Variants in NRCAM observed in about 807,000 individuals in gnomAD.
NRCAM encodes NgCAM-related cell adhesion molecule.
In NRCAM, 83 loss-of-function variants were observed where a neutral mutation model predicts 156.5. The ratio of observed to expected loss-of-function variants is 0.53; its 90% CI spans 0.44 to 0.64. NRCAM has a LOEUF of 0.64. Ranked by LOEUF, NRCAM falls within the 30% of genes least tolerant of loss-of-function variation. The pLI is 0.00. For synonymous variants in NRCAM, 538 were observed against 563.9 expected, an observed-to-expected ratio of 0.95 and a Z score of 0.65; for missense variants, 1,417 against 1,597.3, an observed-to-expected ratio of 0.89 and a Z score of 1.92.
At chr7:108,418,781 G>T (rs899516275) in intron 1 of NRCAM, among the ~76,000 whole-genome samples, 2 of 152,034 alleles carry the variant, frequency 1.3e-5, no homozygotes, top group Non-Finnish European at 1.5e-5. Context: ...CAACTGTGTG[G>T]ATTTTTTTCT....
intron 32 of NRCAM, among the ~76,000 whole-genome samples, chr7:108,158,230 T>C (rs894426773): frequency 1.3e-5 from 2 of 152,106 alleles, no homozygotes; most frequent in Non-Finnish European, 2.9e-5. Context: ...ACCCTCACTA[T>C]GCATTTTTCT....
intron 1 of NRCAM, among the ~76,000 whole-genome samples, chr7:108,399,939 T>C (rs1350205138): frequency 6.6e-6 from 1 of 152,226 alleles, no homozygotes; most frequent in East Asian, 1.9e-4. Flanking sequence ...TGATGCTTCA[T>C]GGGAATACAC....
At chr7:108,242,153 T>G (rs1277624294) in intron 3 of NRCAM, among the ~76,000 whole-genome samples, 1 of 147,390 alleles carries the variant, frequency 6.8e-6, no homozygotes, top group Non-Finnish European at 1.5e-5. Flanking sequence ...TGGGTGCCTG[T>G]AACCCCAGCT....
intron 30 of NRCAM, among the ~76,000 whole-genome samples, chr7:108,161,165 C>T (rs948118745): frequency 6.6e-6 from 1 of 152,156 alleles, no homozygotes; most frequent in Admixed American, 6.5e-5. Context: ...CTCAAAGAAT[C>T]AATATTCGTT....
At chr7:108,306,319 C>T (rs1270074284) in intron 3 of NRCAM, among the ~76,000 whole-genome samples, 1 of 152,028 alleles carries the variant, frequency 6.6e-6, no homozygotes, top group Non-Finnish European at 1.5e-5. Context: ...TAAAAATTCC[C>T]TCTTATTCAA....
intron 2 of NRCAM, among the ~76,000 whole-genome samples, chr7:108,327,729 C>G (rs1393858402): frequency 6.6e-6 from 1 of 152,162 alleles, no homozygotes; most frequent in Non-Finnish European, 1.5e-5. Flanking sequence ...TCCAGCTTCT[C>G]TCATCCTCTT....
chr7:108,196,445 G>A (rs2075149661), intron 14 of NRCAM, among the ~76,000 whole-genome samples: 1 of 152,148 alleles, frequency 6.6e-6, no homozygotes, highest in South Asian at 2.1e-4. Flanking sequence ...CTGGTAAGGG[G>A]TTAATACCAA....
chr7:108,191,663 A>G, intron 18 of NRCAM, 66 bp downstream of exon 18: 1 of 1,493,308 alleles, frequency 6.7e-7, no homozygotes, highest in Non-Finnish European at 9.0e-7. Flanking sequence ...TATAATTTTT[A>G]TCTTATTTTT....
chr7:108,434,761 G>C (rs1475808392), intron 1 of NRCAM, among the ~76,000 whole-genome samples: 7 of 152,250 alleles, frequency 4.6e-5, no homozygotes, highest in Non-Finnish European at 1.0e-4. Flanking sequence ...TGCAGACACA[G>C]GGGCAAACCT....
chr7:108,256,865 C>T (rs2096689527), intron 3 of NRCAM, among the ~76,000 whole-genome samples: 1 of 151,820 alleles, frequency 6.6e-6, no homozygotes, highest in African/African-American at 2.4e-5. Context: ...AAAATACAGC[C>T]AGGTGTGGTA....
intron 1 of NRCAM, among the ~76,000 whole-genome samples, chr7:108,433,100 G>C (rs1442609257): frequency 6.6e-6 from 1 of 152,156 alleles, no homozygotes; most frequent in Non-Finnish European, 1.5e-5. Context: ...GAGTGCAAAT[G>C]GAGGCTCTCT....
At chr7:108,383,757 G>T (rs1050038325) in intron 2 of NRCAM, among the ~76,000 whole-genome samples, 1 of 152,154 alleles carries the variant, frequency 6.6e-6, no homozygotes, top group African/African-American at 2.4e-5. Flanking sequence ...CTTGAGCCAA[G>T]AACCTGGGGA....
At chr7:108,299,462 T>A (rs1181127763) in intron 3 of NRCAM, among the ~76,000 whole-genome samples, 2 of 152,144 alleles carry the variant, frequency 1.3e-5, no homozygotes, top group East Asian at 3.9e-4. Flanking sequence ...TTTTTTCAGA[T>A]AGAATCAGTC....
intron 3 of NRCAM, among the ~76,000 whole-genome samples, chr7:108,299,783 G>A (rs2098551407): frequency 6.6e-6 from 1 of 152,152 alleles, no homozygotes; most frequent in African/African-American, 2.4e-5. Context: ...AACTAATTAA[G>A]CATTCTGGTG....
chr7:108,392,442 T>C (rs2099763258), intron 2 of NRCAM, among the ~76,000 whole-genome samples: 1 of 152,236 alleles, frequency 6.6e-6, no homozygotes, highest in African/African-American at 2.4e-5. Flanking sequence ...TAAGGATTTC[T>C]CTACACTGGT....
At chr7:108,454,206 C>G (rs1285327673) in intron 1 of NRCAM, among the ~76,000 whole-genome samples, 2 of 152,156 alleles carry the variant, frequency 1.3e-5, no homozygotes, top group African/African-American at 4.8e-5. Context: ...CAATACAGTT[C>G]TCTGAATCAC....
At chr7:108,403,926 A>G (rs1271052240) in intron 1 of NRCAM, among the ~76,000 whole-genome samples, 1 of 152,212 alleles carries the variant, frequency 6.6e-6, no homozygotes, top group Non-Finnish European at 1.5e-5. Flanking sequence ...GTTCTCAGTC[A>G]GCCTCACGGG....
intron 11 of NRCAM, among the ~76,000 whole-genome samples, chr7:108,215,615 G>A (rs6977003): frequency 0.24 from 36,043 of 151,762 alleles, 4,500 homozygotes; most frequent in Non-Finnish European, 0.27. Context: ...ATATATTTTT[G>A]GGATAGTTAG....
intron 2 of NRCAM, among the ~76,000 whole-genome samples, chr7:108,351,761 C>A (rs1423140977): frequency 2.7e-5 from 1 of 36,820 alleles, no homozygotes. Flanking sequence ...TCATATTGAC[C>A]ACTTTTTTTT....
Sources: gnomAD v4.1 joint callset for allele counts (sites outside exome capture counted in the v4.1 genomes callset) on GRCh38, gnomAD v4.1.1 for gene constraint, MANE v1.5 for transcripts, NCBI Gene and HGNC (gene_info 2026-07-23, HGNC 2026-07-21) for gene names.